FTCDNL1: variants seen among roughly 807,000 people sequenced by gnomAD.
The protein encoded by FTCDNL1 is formiminotransferase cyclodeaminase N-terminal like.
Under a neutral mutation model 5.9 loss-of-function variants are expected in FTCDNL1, and 11 were observed. That is an observed-to-expected ratio of 1.87 (90% CI 1.18 to 3.10). FTCDNL1 has a LOEUF of 3.10. Among genes scored for constraint, FTCDNL1 ranks in the 30% most tolerant of loss-of-function variants. FTCDNL1 has a pLI of 0.00. For missense variants in FTCDNL1, 115 were observed against 65.5 expected (o/e 1.76, Z -2.61); for synonymous variants, 58 against 24.8 (o/e 2.34, Z -3.99).
the FTCDNL1 span, among the ~76,000 whole-genome samples, chr2:199,700,817 G>A: frequency 6.6e-6 from 1 of 152,058 alleles, no homozygotes; most frequent in African/African-American, 2.4e-5. Flanking sequence ...AGTGGTGCTG[G>A]GATAACTGGC....
chr2:199,818,057 G>C (rs866915349), intron 4 of FTCDNL1, among the ~76,000 whole-genome samples: 4 of 152,274 alleles, frequency 2.6e-5, no homozygotes, highest in Middle Eastern at 3.4e-3. Context: ...GCAAAAATGA[G>C]AATTAAGTTA....
rs1218110551 is a variant in FTCDNL1 at position 199,819,766 on chromosome 2, G to C, written c.212-9C>G. 4.4e-6 allele frequency: 3 copies of C among 685,400 alleles called. No individual in the cohort carries two copies. In the African/African-American group the frequency reaches 5.3e-5, roughly 12 times the overall value. The allele number at this position is 685,400 out of a possible 1,614,324, so 42.5% of individuals were successfully genotyped here. A position where few individuals can be genotyped will look rare whatever the true frequency, so the allele number is the denominator to read the frequency against. On this transcript the variant is annotated splice_polypyrimidine_tract_variant and intron_variant, in intron 3 of 4. Coordinates refer to ENST00000420128, the MANE Select transcript of FTCDNL1 (RefSeq NM_001363886.2). The stretch of plus-strand genomic sequence containing the variant: ...CAGATCCTCAGCAAGGCCTGTGGCA[G>C]AGGGAATTTTAACCAAAGAAAATCA...
At chr2:199,776,231 C>T (rs2106307900) in intron 3 of FTCDNL1, among the ~76,000 whole-genome samples, 1 of 152,252 alleles carries the variant, frequency 6.6e-6, no homozygotes, top group Non-Finnish European at 1.5e-5. Context: ...AAGCCAGAAA[C>T]TGATATTGCC....
rs1374021571 is a variant in FTCDNL1, at chr2:199,836,305, C to T, written c.211+9770G>A. 2.0e-5 allele frequency among the ~76,000 whole-genome samples: 3 copies of T among 152,096 alleles called. No individual in the cohort carries two copies. In the East Asian group the frequency reaches 5.8e-4, roughly 29 times the overall value. On this transcript the variant is annotated intron_variant, in intron 3 of 4. Coordinates refer to ENST00000420128, the MANE Select transcript of FTCDNL1 (RefSeq NM_001363886.2). ...TCAGCTTCCCAAGTAACTAAGACTA[C>T]AGGCACGCACTACCACACCCAGCTA...
At chr2:199,844,266 T>C in intron 3 of FTCDNL1, 1 of 422,250 alleles carries the variant, frequency 2.4e-6, no homozygotes, top group South Asian at 6.8e-5. Context: ...GATACAGTTC[T>C]TCAAGATCAA....
the FTCDNL1 span, among the ~76,000 whole-genome samples, chr2:199,725,120 C>T: frequency 6.6e-6 from 1 of 152,120 alleles, no homozygotes; most frequent in Non-Finnish European, 1.5e-5. Context: ...GAATTGAATC[C>T]TTTACCACTA....
chr2:199,729,544 T>TCTA, the FTCDNL1 span, among the ~76,000 whole-genome samples: 83 of 151,580 alleles, frequency 5.5e-4, no homozygotes, highest in African/African-American at 1.9e-3. Context: ...CACAAGCATT[T>TCTA]CTATACACCA....
downstream of FTCDNL1, among the ~76,000 whole-genome samples, chr2:199,805,910 C>T (rs1258963844): frequency 6.6e-6 from 1 of 150,964 alleles, no homozygotes; most frequent in Admixed American, 6.6e-5. Context: ...CAAAGCAAGA[C>T]CTTGTCTTGA....
the FTCDNL1 span, among the ~76,000 whole-genome samples, chr2:199,721,652 T>C: frequency 6.6e-6 from 1 of 152,222 alleles, no homozygotes; most frequent in Non-Finnish European, 1.5e-5. Flanking sequence ...GTAATGGGAT[T>C]GCTGGGTCAA....
chr2:199,710,506 T>C, the FTCDNL1 span, among the ~76,000 whole-genome samples: 1 of 152,198 alleles, frequency 6.6e-6, no homozygotes, highest in Non-Finnish European at 1.5e-5. Context: ...AATAAGTCAG[T>C]AGTTTGGTAA....
At position 199,765,532 on chromosome 2, in the gene FTCDNL1, TTATA is replaced by T. The variant is rs1319054963; in HGVS notation, c.212-4701_212-4698del. On this transcript the variant is annotated intron_variant, in intron 3 of 3. Transcript: ENST00000416668. ...ACGTGGCATCTCTTTTTTGTCTTCA[TTATA>T]TATATATATATATATATATATTTTT... is the stretch of plus-strand genomic sequence containing the variant. Among the ~76,000 whole-genome samples, 101 of 79,608 alleles carry T rather than the reference TTATA, an allele frequency of 1.3e-3. 3 individuals carry two copies. Among genetic ancestry groups the T allele is most frequent in the East Asian group, 4.4e-3 (7 of 1,580 alleles). 52.2% of individuals were successfully genotyped at this position (79,608 alleles called of 152,430 possible).
At chr2:199,832,797 C>T (rs1702458885) in intron 3 of FTCDNL1, among the ~76,000 whole-genome samples, 1 of 152,082 alleles carries the variant, frequency 6.6e-6, no homozygotes, top group Non-Finnish European at 1.5e-5. Context: ...GGACCTGGGG[C>T]TTTACACAGT....
intron 3 of FTCDNL1, among the ~76,000 whole-genome samples, chr2:199,793,317 C>G (rs187844345): frequency 2.0e-5 from 3 of 152,066 alleles, no homozygotes; most frequent in African/African-American, 7.2e-5. Flanking sequence ...TAGTCCTCAA[C>G]AGAAACCCTC....
At chr2:199,721,913 A>T in the FTCDNL1 span, among the ~76,000 whole-genome samples, 1 of 152,196 alleles carries the variant, frequency 6.6e-6, no homozygotes, top group African/African-American at 2.4e-5. Flanking sequence ...CGTTGGCTGC[A>T]TAGATGTCTT....
chr2:199,821,575 C>G (rs1701694633), intron 3 of FTCDNL1, among the ~76,000 whole-genome samples: 1 of 152,114 alleles, frequency 6.6e-6, no homozygotes, highest in South Asian at 2.1e-4. Context: ...AAGGATTCTC[C>G]TGCCTCAGCC....
chr2:199,768,309 T>C (rs200621780), intron 3 of FTCDNL1, among the ~76,000 whole-genome samples: 1 of 109,180 alleles, frequency 9.2e-6, no homozygotes, highest in Non-Finnish European at 2.2e-5. Flanking sequence ...AAGATGAGCT[T>C]CTTATAAGAA....
At chr2:199,666,910 C>CA in the FTCDNL1 span, among the ~76,000 whole-genome samples, 3,504 of 99,224 alleles carry the variant, frequency 0.035, 131 homozygotes, top group African/African-American at 0.099. Context: ...GAGTCCATCT[C>CA]AAAAAAAAAA....
intron 3 of FTCDNL1, among the ~76,000 whole-genome samples, chr2:199,831,223 A>G (rs1287558378): frequency 6.6e-6 from 1 of 152,244 alleles, no homozygotes; most frequent in African/African-American, 2.4e-5. Flanking sequence ...CTTATTTATT[A>G]TGGAAATGAG....
chr2:199,709,502 T>G, the FTCDNL1 span, among the ~76,000 whole-genome samples: 1 of 152,034 alleles, frequency 6.6e-6, no homozygotes, highest in African/African-American at 2.4e-5. Flanking sequence ...TAGAGATAGA[T>G]TGCAGGGAGG....
Sources: gnomAD v4.1 joint callset for allele counts (sites outside exome capture counted in the v4.1 genomes callset) on GRCh38, gnomAD v4.1.1 for gene constraint, MANE v1.5 for transcripts, NCBI Gene and HGNC (gene_info 2026-07-23, HGNC 2026-07-21) for gene names.